The following TNS3 variants were observed in gnomAD, a reference collection of about 807,000 sequenced individuals.
TNS3 encodes tensin 3.
Under a neutral mutation model 140.9 loss-of-function variants are expected in TNS3, and 45 were observed. The observed-to-expected ratio is 0.32, with a 90% CI of 0.25 to 0.41. The LOEUF (loss-of-function observed/expected upper bound fraction) is 0.41. TNS3 is among the 10% of genes least tolerant of loss of function. TNS3 has a pLI of 1.00. For missense variants in TNS3, 1,716 were observed against 1,906.7 expected, an observed-to-expected ratio of 0.90 and a Z score of 1.86; for synonymous variants, 815 against 788.4, an observed-to-expected ratio of 1.03 and a Z score of -0.56.
At chr7:47,305,134 G>T in intron 20 of TNS3, 131 bp from the exon 21 acceptor site, 3 of 653,082 alleles carry the variant, frequency 4.6e-6, no homozygotes, top group Non-Finnish European at 6.6e-6. Context: ...TGGCCATACT[G>T]AACATGACAT....
chr7:47,532,020 C>A (rs1799423699), intron 1 of TNS3, among the ~76,000 whole-genome samples: 2 of 152,140 alleles, frequency 1.3e-5, no homozygotes, highest in Non-Finnish European at 1.5e-5. Context: ...CCAGGCACAG[C>A]ACCCAGGCAT....
chr7:47,326,495 A>G (rs1437571247), intron 20 of TNS3, among the ~76,000 whole-genome samples: 3 of 152,106 alleles, frequency 2.0e-5, no homozygotes, highest in Admixed American at 6.5e-5. Flanking sequence ...AGGAAGGCAC[A>G]GGTACTCTGG....
At position 47,523,453 on chromosome 7, in the gene TNS3, C is replaced by T. The variant is rs1323513405; in HGVS notation, c.-153+5583G>A. Among the ~76,000 whole-genome samples, 3 of 152,228 alleles carry T rather than the reference C, an allele frequency of 2.0e-5. No homozygotes were observed. The South Asian group carries it at 6.2e-4, about 32-fold the overall frequency. On this transcript the variant is annotated intron_variant, in intron 2 of 30. Transcript: ENST00000311160. ...TCCTCAAGATCTCAGTGCACATATG[C>T]CCAAGGGCACAACACTCACCACATG...
chr7:47,546,886 C>T lies in TNS3; in HGVS notation c.-264-17739G>A, dbSNP rs75624141. Among the ~76,000 whole-genome samples, 22 of 152,328 alleles carry T rather than the reference C, an allele frequency of 1.4e-4. No homozygotes were observed. In the East Asian group the frequency reaches 2.3e-3, roughly 16 times the overall value. On this transcript the variant is annotated intron_variant, in intron 1 of 30. Coordinates refer to ENST00000311160, the MANE Select transcript of TNS3 (RefSeq NM_022748.12). ...GTAAGACACGGCTGTGCTCAACAGG[C>T]GCTGCGGATGGAATGACTAAAATGA...
At chr7:47,495,816 T>A (rs1439303651) in intron 3 of TNS3, among the ~76,000 whole-genome samples, 1 of 152,142 alleles carries the variant, frequency 6.6e-6, no homozygotes, top group African/African-American at 2.4e-5. Context: ...TGTCTAAACA[T>A]TGAAAGAGAA....
In TNS3 at chr7:47,446,598, G is replaced by C. The variant is rs58861006; in HGVS notation, c.-75-4543C>G. On this transcript the variant is annotated intron_variant, in intron 4 of 30. Coordinates refer to ENST00000311160, the MANE Select transcript of TNS3 (RefSeq NM_022748.12). ...CACAGCCTTCAACACCCAAATAAGA[G>C]AAAGAGAAAAGGGAGGCCCAGGTAG... 8.5e-3 allele frequency among the ~76,000 whole-genome samples: 1,287 copies of C among 150,742 alleles called. 6 individuals are homozygous for C. The highest frequency in any genetic ancestry group is 0.014 in the Non-Finnish European group (971 of 67,810).
rs543593554 is a variant in TNS3, at chr7:47,501,779, A to T, written c.-115+5128T>A. ...CTCACTGTCTCGTGGGAGGACTGGGAGTCTCGGACAAGATGCCACGGATGT... is the reference window on the plus strand; with the variant it reads ...CTCACTGTCTCGTGGGAGGACTGGGTGTCTCGGACAAGATGCCACGGATGT... On this transcript the variant is annotated intron_variant, in intron 3 of 30. Coordinates refer to ENST00000311160, the MANE Select transcript of TNS3 (RefSeq NM_022748.12). Among the ~76,000 whole-genome samples the T allele has an allele frequency of 1.3e-5, 2 of 152,288 alleles. 1 individual carries two copies. The highest frequency in any genetic ancestry group is 4.1e-4 in the South Asian group (2 of 4,820).
chr7:47,368,563 T>C lies in TNS3; in HGVS notation c.2083A>G (p.Ile695Val), dbSNP rs763323567. 1 of 1,570,370 alleles carries C rather than the reference T, an allele frequency of 6.4e-7. No homozygotes were observed. Among genetic ancestry groups the C allele is most frequent in the Non-Finnish European group, 8.7e-7 (1 of 1,154,240 alleles). The stretch of plus-strand genomic sequence containing the variant: ...TTGAGCTGCTCGATGGACTGGTCGA[T>C]GTCCAGGGTGGGCGAGCCTGGGGAG... ...GPSPGSPTLDIDQSIEQLNRL... is the reference protein window; with the variant it reads ...GPSPGSPTLDVDQSIEQLNRL... The change falls in exon 17 of 31, where the codon ATC (isoleucine) becomes GTC (valine). Residue 695 changes from isoleucine to valine, a missense_variant. Physicochemically the swap from Ile to Val is conservative, Grantham distance 29. Transcript: ENST00000311160.
At chr7:47,499,128 T>G (rs1033280951) in intron 3 of TNS3, among the ~76,000 whole-genome samples, 1 of 152,254 alleles carries the variant, frequency 6.6e-6, no homozygotes, top group Non-Finnish European at 1.5e-5. Flanking sequence ...AAATGTGGCT[T>G]GCTGACTTTG....
At chr7:47,532,672 C>T (rs1799451726) in intron 1 of TNS3, among the ~76,000 whole-genome samples, 1 of 152,168 alleles carries the variant, frequency 6.6e-6, no homozygotes, top group African/African-American at 2.4e-5. Flanking sequence ...GTCTGCCTAT[C>T]TCATTCTTCC....
chr7:47,524,217 C>G (rs147675356), intron 2 of TNS3, among the ~76,000 whole-genome samples: 1 of 152,202 alleles, frequency 6.6e-6, no homozygotes, highest in East Asian at 1.9e-4. Flanking sequence ...GGCCCTTTCA[C>G]GTACACCCCT....
intron 1 of TNS3, among the ~76,000 whole-genome samples, chr7:47,545,527 A>G (rs1270701768): frequency 6.6e-6 from 1 of 152,220 alleles, no homozygotes; most frequent in Non-Finnish European, 1.5e-5. Flanking sequence ...AACCTGCACC[A>G]GATCCTTAAA....
chr7:47,386,160 A>G (rs750365069), intron 16 of TNS3, among the ~76,000 whole-genome samples: 2 of 152,244 alleles, frequency 1.3e-5, no homozygotes, highest in Non-Finnish European at 1.5e-5. Context: ...ATCACTATGC[A>G]CTTATAAAGA....
chr7:47,529,928 AAATTT>A (rs1799332310), intron 1 of TNS3, among the ~76,000 whole-genome samples: 1 of 152,264 alleles, frequency 6.6e-6, no homozygotes, highest in African/African-American at 2.4e-5. Context: ...TGGAATAATT[AAATTT>A]ATTTGAAAAG....
intron 3 of TNS3, among the ~76,000 whole-genome samples, chr7:47,491,214 G>A (rs1797803264): frequency 6.6e-6 from 1 of 152,190 alleles, no homozygotes; most frequent in Admixed American, 6.5e-5. Context: ...CACGGTATGT[G>A]GTGTTCTTGA....
chr7:47,537,820 AC>A (rs1799657746), intron 1 of TNS3, among the ~76,000 whole-genome samples: 1 of 152,128 alleles, frequency 6.6e-6, no homozygotes, highest in Non-Finnish European at 1.5e-5. Context: ...CTACTAAAAA[AC>A]TAGGAGCCTG....
intron 1 of TNS3, among the ~76,000 whole-genome samples, chr7:47,530,317 C>A (rs147162863): frequency 4.6e-5 from 7 of 152,078 alleles, no homozygotes; most frequent in African/African-American, 2.4e-5. Context: ...CATCACAGTA[C>A]GAACCTCCCA....
intron 17 of TNS3, among the ~76,000 whole-genome samples, chr7:47,353,464 T>C (rs1789803451): frequency 6.6e-6 from 1 of 152,218 alleles, no homozygotes; most frequent in Admixed American, 6.5e-5. Context: ...TTCTTTAGTA[T>C]GATGTTCTAT....
chr7:47,515,803 T>C (rs1279259157), intron 2 of TNS3, among the ~76,000 whole-genome samples: 2 of 152,214 alleles, frequency 1.3e-5, no homozygotes, highest in Non-Finnish European at 2.9e-5. Context: ...TCACTAACAA[T>C]ATCATTATCA....
Sources: allele counts gnomAD v4.1 joint callset (sites outside exome capture counted in the v4.1 genomes callset), GRCh38; gene constraint gnomAD v4.1.1; transcripts MANE v1.5; gene names NCBI Gene and HGNC (gene_info 2026-07-23, HGNC 2026-07-21).